The following UTRN variants were observed in gnomAD, a reference collection of about 807,000 sequenced individuals.
The protein encoded by UTRN is dystrophin-related protein 1.
UTRN carries 283 observed loss-of-function variants against 463.9 expected under a neutral mutation model. The ratio of observed to expected loss-of-function variants is 0.61; its 90% CI spans 0.55 to 0.67. The LOEUF (loss-of-function observed/expected upper bound fraction) is 0.67, where lower values mean the gene tolerates loss of function less well. Ranked by LOEUF, UTRN falls within the 30% of genes least tolerant of loss-of-function variation. UTRN has a pLI of 0.00. For synonymous variants in UTRN, 1,442 were observed against 1,431.5 expected (o/e 1.01, Z -0.17); for missense variants, 3,922 against 4,084.3 (o/e 0.96, Z 1.08).
At chr6:144,716,142 T>G (rs2128706250) in intron 53 of UTRN, among the ~76,000 whole-genome samples, 1 of 152,320 alleles carries the variant, frequency 6.6e-6, no homozygotes, top group Non-Finnish European at 1.5e-5. Context: ...ATCTTAATAC[T>G]GCCTAAATTT....
chr6:144,370,616 G>C (rs1360066261), intron 2 of UTRN, among the ~76,000 whole-genome samples: 1 of 152,198 alleles, frequency 6.6e-6, no homozygotes, highest in Non-Finnish European at 1.5e-5. Flanking sequence ...TAATGGAGCT[G>C]TGAGAAGAGG....
chr6:144,664,465 G>T (rs1416224059), intron 51 of UTRN, among the ~76,000 whole-genome samples: 2 of 133,144 alleles, frequency 1.5e-5, no homozygotes, highest in African/African-American at 5.9e-5. Context: ...CTACTCTGTT[G>T]TCTTACTTTT....
intron 54 of UTRN, among the ~76,000 whole-genome samples, chr6:144,736,693 A>G (rs1789437648): frequency 6.6e-6 from 1 of 152,204 alleles, no homozygotes; most frequent in Non-Finnish European, 1.5e-5. Context: ...AACTGCCCGT[A>G]GTGCATGCCA....
At chr6:144,763,207 T>A (rs978597799) in intron 58 of UTRN, among the ~76,000 whole-genome samples, 1 of 152,212 alleles carries the variant, frequency 6.6e-6, no homozygotes, top group African/African-American at 2.4e-5. Flanking sequence ...TTGCAAGAAA[T>A]TAACCAGCAT....
chr6:144,486,145 G>A (rs983360898), intron 28 of UTRN, among the ~76,000 whole-genome samples: 3 of 152,190 alleles, frequency 2.0e-5, no homozygotes, highest in Admixed American at 1.3e-4. Flanking sequence ...AAAAGGGAAG[G>A]GGGTAGATAG....
chr6:144,627,414 C>T (rs1195182812), intron 51 of UTRN, among the ~76,000 whole-genome samples: 1 of 152,138 alleles, frequency 6.6e-6, no homozygotes, highest in African/African-American at 2.4e-5. Flanking sequence ...ATTCATTGCT[C>T]TATTTTGTAA....
intron 2 of UTRN, among the ~76,000 whole-genome samples, chr6:144,385,064 A>G (rs1362284239): frequency 6.6e-6 from 1 of 152,188 alleles, no homozygotes; most frequent in African/African-American, 2.4e-5. Flanking sequence ...GACTCTTGCT[A>G]ACCTCCAAGA....
chr6:144,665,385 T>G (rs1780279964), intron 51 of UTRN, among the ~76,000 whole-genome samples: 1 of 152,236 alleles, frequency 6.6e-6, no homozygotes, highest in Non-Finnish European at 1.5e-5. Context: ...TGTTTTATAA[T>G]GTATATCACA....
chr6:144,802,784 G>A (rs1777814231), intron 64 of UTRN, among the ~76,000 whole-genome samples: 1 of 151,902 alleles, frequency 6.6e-6, no homozygotes, highest in Non-Finnish European at 1.5e-5. Context: ...AAAATTTGAT[G>A]TTTCAACTTA....
chr6:144,477,908 T>TATCCATCC (rs57106567), intron 25 of UTRN, among the ~76,000 whole-genome samples: 6 of 147,426 alleles, frequency 4.1e-5, no homozygotes, highest in South Asian at 2.2e-4. Flanking sequence ...TCTATCTATC[T>TATCCATCC]ATCCATCCAT....
chr6:144,725,625 C>T (rs75233147), intron 53 of UTRN, among the ~76,000 whole-genome samples: 1,732 of 152,234 alleles, frequency 0.011, 14 homozygotes, highest in Non-Finnish European at 0.019. Flanking sequence ...CAAAACAGCT[C>T]ATTGGAGTCT....
At chr6:144,604,012 C>T (rs1365077279) in intron 51 of UTRN, among the ~76,000 whole-genome samples, 5 of 152,110 alleles carry the variant, frequency 3.3e-5, no homozygotes, top group Non-Finnish European at 4.4e-5. Flanking sequence ...CCTCTGCATC[C>T]TGTCTCCATT....
At chr6:144,849,744 C>G (rs1162470866) in intron 74 of UTRN, among the ~76,000 whole-genome samples, 2 of 152,086 alleles carry the variant, frequency 1.3e-5, no homozygotes, top group African/African-American at 4.8e-5. Context: ...CTAAAATGAG[C>G]AGTATTGTGT....
chr6:144,556,064 C>A (rs188631247), intron 49 of UTRN, among the ~76,000 whole-genome samples: 3 of 152,172 alleles, frequency 2.0e-5, no homozygotes, highest in African/African-American at 4.8e-5. Flanking sequence ...TTTAAAAGTG[C>A]TTTTAAGATT....
At chr6:144,531,711 A>G (rs1490037103) in intron 42 of UTRN, among the ~76,000 whole-genome samples, 1 of 152,252 alleles carries the variant, frequency 6.6e-6, no homozygotes, top group Non-Finnish European at 1.5e-5. Flanking sequence ...GTCTTTAAAA[A>G]TAATGGTAGA....
chr6:144,505,001 T>A (rs763237755), intron 34 of UTRN, among the ~76,000 whole-genome samples: 24 of 152,220 alleles, frequency 1.6e-4, no homozygotes, highest in Admixed American at 6.5e-4. Context: ...GGTGTATGTG[T>A]CCTGGAATTT....
chr6:144,745,695 C>T (rs1258823988), intron 54 of UTRN, among the ~76,000 whole-genome samples: 2 of 152,094 alleles, frequency 1.3e-5, no homozygotes, highest in Non-Finnish European at 2.9e-5. Context: ...GACAAAGAAC[C>T]CATGGGCCTC....
At chr6:144,744,811 C>T (rs902756652) in intron 54 of UTRN, among the ~76,000 whole-genome samples, 1 of 152,204 alleles carries the variant, frequency 6.6e-6, no homozygotes, top group Non-Finnish European at 1.5e-5. Flanking sequence ...TATCACTGAG[C>T]TTCATTTGCT....
intron 48 of UTRN, among the ~76,000 whole-genome samples, chr6:144,552,238 G>A (rs3812246): frequency 0.54 from 82,476 of 152,120 alleles, 24,464 homozygotes; most frequent in East Asian, 0.85. Flanking sequence ...GGTAGCAACA[G>A]GGTTATTATA....
Sources: gnomAD v4.1 joint callset for allele counts (sites outside exome capture counted in the v4.1 genomes callset) on GRCh38, gnomAD v4.1.1 for gene constraint, MANE v1.5 for transcripts, NCBI Gene and HGNC (gene_info 2026-07-23, HGNC 2026-07-21) for gene names.